The following DNAH7 variants were observed in gnomAD, a reference collection of about 807,000 sequenced individuals.
DNAH7 encodes the protein dynein axonemal heavy chain 7.
DNAH7 carries 397 observed loss-of-function variants against 444.6 expected under a neutral mutation model. The ratio of observed to expected loss-of-function variants is 0.89; its 90% CI spans 0.82 to 0.97. The LOEUF (loss-of-function observed/expected upper bound fraction) is 0.97. DNAH7 is among the 50% of genes least tolerant of loss of function. The pLI is 0.00. For synonymous variants in DNAH7, 1,636 were observed against 1,624.4 expected (o/e 1.01, Z -0.17); for missense variants, 4,902 against 4,800.8 (o/e 1.02, Z -0.62).
chr2:196,045,420 G>C (rs1697058562), intron 5 of DNAH7, among the ~76,000 whole-genome samples: 1 of 151,944 alleles, frequency 6.6e-6, no homozygotes, highest in South Asian at 2.1e-4. Flanking sequence ...ACTACTAAGA[G>C]ACAAACTTCA....
intron 6 of DNAH7, among the ~76,000 whole-genome samples, chr2:196,027,384 T>A (rs1160570540): frequency 1.3e-5 from 2 of 151,984 alleles, no homozygotes; most frequent in Non-Finnish European, 2.9e-5. Context: ...CTATTAATAT[T>A]CCATACTATA....
At chr2:195,740,019 T>C (rs1198105639) in intron 64 of DNAH7, among the ~76,000 whole-genome samples, 2 of 152,196 alleles carry the variant, frequency 1.3e-5, no homozygotes, top group Non-Finnish European at 2.9e-5. Context: ...GTTTCACTCT[T>C]GTTGCCCAGG....
intron 15 of DNAH7, among the ~76,000 whole-genome samples, chr2:195,973,431 C>T (rs1163010441): frequency 1.3e-5 from 2 of 152,002 alleles, no homozygotes; most frequent in Non-Finnish European, 2.9e-5. Flanking sequence ...TTTCCCTGAA[C>T]TGTTTGGACC....
At chr2:195,934,036 C>T (rs1210422932) in intron 21 of DNAH7, among the ~76,000 whole-genome samples, 2 of 151,696 alleles carry the variant, frequency 1.3e-5, no homozygotes, top group African/African-American at 4.8e-5. Context: ...AAACTGAGTG[C>T]TCAATCTTTA....
At chr2:195,893,990 T>C (rs917787647) in intron 30 of DNAH7, 26 of 151,152 alleles carry the variant, frequency 1.7e-4, no homozygotes, top group African/African-American at 6.1e-4. Flanking sequence ...AGATAAAGAA[T>C]GCAGAAGACA....
At chr2:195,742,466 C>A (rs1231120571) in intron 63 of DNAH7, among the ~76,000 whole-genome samples, 1 of 152,194 alleles carries the variant, frequency 6.6e-6, no homozygotes, top group African/African-American at 2.4e-5. Flanking sequence ...TTCATTTCAA[C>A]ACCTAGAAAA....
At position 195,907,010 on chromosome 2, in the gene DNAH7, C is replaced by T; in HGVS notation, c.4105-1G>A. On this transcript the variant is annotated splice_acceptor_variant, in intron 25 of 64. Transcript: ENST00000312428. LOFTEE classifies it high-confidence loss of function. Reference sequence around the variant, plus strand: ...CCCAGGCTCCACAAGATAACAGTCCCTATGAGAAAAGAGTAATGAAAATTT... The same window carrying T: ...CCCAGGCTCCACAAGATAACAGTCCTTATGAGAAAAGAGTAATGAAAATTT... The T allele has an allele frequency of 6.2e-7, 1 of 1,605,988 alleles. No homozygotes were observed. The highest frequency in any genetic ancestry group is 8.5e-7 in the Non-Finnish European group (1 of 1,176,924).
At chr2:196,054,459 T>C (rs1055319856) in intron 2 of DNAH7, among the ~76,000 whole-genome samples, 5 of 150,182 alleles carry the variant, frequency 3.3e-5, no homozygotes, top group Admixed American at 3.3e-4. Flanking sequence ...GAGGTGGAGG[T>C]TGCCATGAGC....
rs1400815758 is a variant in DNAH7, at chr2:195,778,626, A to AAAAAAAAT, written c.10879-642_10879-641insATTTTTTT. Among the ~76,000 whole-genome samples the AAAAAAAAT allele has an allele frequency of 1.1e-4, 5 of 45,338 alleles. 1 individual carries two copies. The highest frequency in any genetic ancestry group is 1.9e-3 in the South Asian group (2 of 1,068). The allele number at this position is 45,338 out of a possible 152,430, so 29.7% of individuals were successfully genotyped here. A position where few individuals can be genotyped will look rare whatever the true frequency, so the allele number is the denominator to read the frequency against. ...AGAGCAAGACCCTGTCTGAAAAAAA[A>AAAAAAAAT]AAAAAATAAATAAATAAATATATAT... On this transcript the variant is annotated intron_variant, in intron 58 of 64. Coordinates refer to ENST00000312428, the MANE Select transcript of DNAH7 (RefSeq NM_018897.3).
chr2:196,067,563 CTTAT>C (rs1292384472), intron 1 of DNAH7, among the ~76,000 whole-genome samples: 1 of 152,038 alleles, frequency 6.6e-6, no homozygotes, highest in Non-Finnish European at 1.5e-5. Flanking sequence ...TTAAATTATA[CTTAT>C]TTTTTTAAAA....
At chr2:196,000,240 TA>T (rs1382974625) in intron 12 of DNAH7, among the ~76,000 whole-genome samples, 1 of 152,178 alleles carries the variant, frequency 6.6e-6, no homozygotes, top group Non-Finnish European at 1.5e-5. Context: ...TCATTTCATA[TA>T]CTAGATTCCA....
chr2:195,804,720 T>C (rs1356354066), intron 54 of DNAH7, among the ~76,000 whole-genome samples: 1 of 152,214 alleles, frequency 6.6e-6, no homozygotes, highest in African/African-American at 2.4e-5. Context: ...GCTTCTGCTC[T>C]AACACTTCTG....
At chr2:195,743,226 C>T (rs997928614) in intron 63 of DNAH7, among the ~76,000 whole-genome samples, 1 of 152,228 alleles carries the variant, frequency 6.6e-6, no homozygotes, top group Non-Finnish European at 1.5e-5. Flanking sequence ...TGTCTGCTTC[C>T]GTACTTTTGA....
At chr2:195,837,636 C>T (rs1012797705) in intron 47 of DNAH7, among the ~76,000 whole-genome samples, 3 of 152,020 alleles carry the variant, frequency 2.0e-5, no homozygotes, top group African/African-American at 4.8e-5. Flanking sequence ...GGGCATAAAT[C>T]CATGTTTTAT....
At chr2:195,973,337 T>G (rs1475616293) in intron 15 of DNAH7, among the ~76,000 whole-genome samples, 1 of 152,218 alleles carries the variant, frequency 6.6e-6, no homozygotes, top group Non-Finnish European at 1.5e-5. Flanking sequence ...AATGAAATTC[T>G]TGTTTTATGG....
At chr2:196,065,312 T>C (rs1698368160) in intron 1 of DNAH7, among the ~76,000 whole-genome samples, 1 of 152,218 alleles carries the variant, frequency 6.6e-6, no homozygotes, top group African/African-American at 2.4e-5. Flanking sequence ...GTAGTCTTCA[T>C]AAGGGTGTCA....
At chr2:196,027,669 G>C (rs1695775700) in intron 6 of DNAH7, among the ~76,000 whole-genome samples, 1 of 151,788 alleles carries the variant, frequency 6.6e-6, no homozygotes, top group African/African-American at 2.4e-5. Context: ...AATTATTATA[G>C]GATAATTTCT....
rs1193830337 is a variant in DNAH7 at position 195,875,685 on chromosome 2, C to T, written c.6276G>A (p.Met2092Ile). 2 of 1,584,320 alleles carry T rather than the reference C, an allele frequency of 1.3e-6. No homozygotes were observed. Among genetic ancestry groups the T allele is most frequent in the African/African-American group, 2.7e-5 (2 of 73,874 alleles). The change falls in exon 38 of 65, where the codon ATG becomes ATA. Residue 2092 changes from methionine to isoleucine, a missense_variant. Physicochemically the swap from Met to Ile is conservative, Grantham distance 10. Transcript: ENST00000312428. ...KLVDIQIMCA[M>I]GPPGGGRNPV... ...ACTCAAAAAATGTACCTGGAGGTCC[C>T]ATAGCACACATGATCTGAATGTCCA...
At chr2:195,859,766 G>A (rs867898176) in intron 42 of DNAH7, among the ~76,000 whole-genome samples, 14 of 152,160 alleles carry the variant, frequency 9.2e-5, no homozygotes, top group Admixed American at 9.2e-4. Context: ...CCGAATGTAT[G>A]GCCTGTATTA....
Sources: gnomAD v4.1 joint callset for allele counts (sites outside exome capture counted in the v4.1 genomes callset) on GRCh38, gnomAD v4.1.1 for gene constraint, MANE v1.5 for transcripts, NCBI Gene and HGNC (gene_info 2026-07-23, HGNC 2026-07-21) for gene names.